The following ALPK1 variants were observed in gnomAD, a reference collection of about 807,000 sequenced individuals.
ALPK1 encodes alpha kinase 1.
Under a neutral mutation model 120.6 loss-of-function variants are expected in ALPK1, and 110 were observed. The observed-to-expected ratio is 0.91, with a 90% confidence interval of 0.78 to 1.07. The LOEUF is 1.07. Ranked by LOEUF, ALPK1 falls within the 50% of genes least tolerant of loss-of-function variation. The probability of loss-of-function intolerance (pLI) is 0.00; values close to 1 mark genes in which losing one functional copy is unlikely to be tolerated. For missense variants in ALPK1, 1,498 were observed against 1,483.9 expected (o/e 1.01, Z -0.16); for synonymous variants, 582 against 560.3 (o/e 1.04, Z -0.55).
At chr4:112,299,049 A>G (rs1175469710) in intron 1 of ALPK1, among the ~76,000 whole-genome samples, 2 of 152,130 alleles carry the variant, frequency 1.3e-5, no homozygotes, top group East Asian at 3.8e-4. Context: ...TGAGCATTTA[A>G]ACTTTTGGTG....
In ALPK1 at chr4:112,438,484, G is replaced by A. The variant is rs1476911088; in HGVS notation, c.3189G>A (p.Arg1063=). 23 of 1,612,712 alleles carry A rather than the reference G, an allele frequency of 1.4e-5. No homozygotes were observed. The highest frequency in any genetic ancestry group is 1.9e-5 in the Non-Finnish European group (22 of 1,179,286). The change falls in exon 13 of 16, where the codon AGG becomes AGA. Residue 1063 remains arginine, a splice_region_variant and synonymous_variant. Transcript: ENST00000650871. Reference sequence around the variant, plus strand: ...TTGTGTGGATTTTCTTTGTTCATAGGTATGTTGGGAAAGACTATAAGGAGC... The same window carrying A: ...TTGTGTGGATTTTCTTTGTTCATAGATATGTTGGGAAAGACTATAAGGAGC... ...HHLHQEEILG[R]YVGKDYKEQK...
At chr4:112,432,673 T>C in intron 11 of ALPK1, 92 bp downstream of exon 11, 1 of 1,256,548 alleles carries the variant, frequency 8.0e-7, no homozygotes, top group Non-Finnish European at 1.1e-6. Flanking sequence ...TTAAAGCTCA[T>C]GAAAGGTATA....
At chr4:112,394,857 T>C (rs1299201014) in intron 4 of ALPK1, among the ~76,000 whole-genome samples, 1 of 152,122 alleles carries the variant, frequency 6.6e-6, no homozygotes. Flanking sequence ...TAGCAGAAAA[T>C]GAACAGGTTC....
chr4:112,416,081 G>A (rs1336410648), intron 5 of ALPK1, among the ~76,000 whole-genome samples: 1 of 152,090 alleles, frequency 6.6e-6, no homozygotes, highest in Non-Finnish European at 1.5e-5. Flanking sequence ...ACAAATAGTA[G>A]TGCTCCCCAA....
At chr4:112,301,701 A>G (rs1477096625) in intron 1 of ALPK1, among the ~76,000 whole-genome samples, 2 of 152,228 alleles carry the variant, frequency 1.3e-5, no homozygotes, top group African/African-American at 4.8e-5. Flanking sequence ...TACATGGGAT[A>G]CAGAAGATAC....
At chr4:112,370,940 A>G (rs1731379224) in intron 2 of ALPK1, among the ~76,000 whole-genome samples, 1 of 152,210 alleles carries the variant, frequency 6.6e-6, no homozygotes, top group East Asian at 1.9e-4. Flanking sequence ...ATATGTAGAA[A>G]TACAGAATAG....
intron 4 of ALPK1, among the ~76,000 whole-genome samples, chr4:112,390,294 AATTTCTGTGT>A (rs1157495402): frequency 6.6e-6 from 1 of 151,954 alleles, no homozygotes; most frequent in African/African-American, 2.4e-5. Context: ...TTGCCTGATT[AATTTCTGTGT>A]ATCTTTCCCT....
At chr4:112,300,219 A>G (rs1197665197) in intron 1 of ALPK1, among the ~76,000 whole-genome samples, 1 of 152,238 alleles carries the variant, frequency 6.6e-6, no homozygotes, top group Non-Finnish European at 1.5e-5. Context: ...TCAGGATTGA[A>G]TAACTTGTAT....
chr4:112,305,887 G>C (rs920962178), intron 1 of ALPK1, among the ~76,000 whole-genome samples: 2 of 151,988 alleles, frequency 1.3e-5, no homozygotes, highest in Non-Finnish European at 2.9e-5. Context: ...CTGTGGGTTT[G>C]TCATAGATAG....
rs772239630 is a variant in ALPK1, at chr4:112,411,855, G to C, written c.305G>C (p.Arg102Pro). Residue 102 changes from arginine to proline, a missense_variant, in exon 5 of 16, where the codon CGG becomes CCG. By Grantham distance (103) the Arg-to-Pro change is moderately radical. Coordinates refer to ENST00000650871, the MANE Select transcript of ALPK1 (RefSeq NM_025144.4). Reference sequence around the variant, plus strand: ...TCCCTGAGGGCCTCCATCCTCGCTCGGGACTGTGCGGCTGCGGCGGCTATT... The same window carrying C: ...TCCCTGAGGGCCTCCATCCTCGCTCCGGACTGTGCGGCTGCGGCGGCTATT... Reference protein sequence around the residue: ...LASLRASILARDCAAAAAIVF... With the variant: ...LASLRASILAPDCAAAAAIVF... The C allele has an allele frequency of 6.2e-6, 10 of 1,613,420 alleles. No individual in the cohort carries two copies. The highest frequency in any genetic ancestry group is 1.3e-5 in the African/African-American group (1 of 74,948).
At chr4:112,405,612 G>A (rs1000195591) in intron 4 of ALPK1, among the ~76,000 whole-genome samples, 1 of 152,170 alleles carries the variant, frequency 6.6e-6, no homozygotes, top group African/African-American at 2.4e-5. Context: ...GTCTTGCTGT[G>A]TCACCCAAGC....
chr4:112,367,864 T>G (rs1731226612), intron 2 of ALPK1, among the ~76,000 whole-genome samples: 1 of 152,242 alleles, frequency 6.6e-6, no homozygotes, highest in Non-Finnish European at 1.5e-5. Flanking sequence ...TTCTGATTTA[T>G]TATCCAGTTC....
rs921766479 is a variant in ALPK1 at position 112,340,804 on chromosome 4, C to T, written c.-101+24952C>T. Among the ~76,000 whole-genome samples the T allele has an allele frequency of 7.2e-5, 11 of 152,250 alleles. No individual in the cohort carries two copies. In the East Asian group the frequency reaches 1.9e-3, roughly 27 times the overall value. On this transcript the variant is annotated intron_variant, in intron 2 of 15. Transcript: ENST00000650871. ...ATGAGATTTGATCAGTTTTTTAAAA[C>T]TGCACATGCACTTAGTTAAGATATC...
chr4:112,366,623 A>G (rs577601585), intron 2 of ALPK1, among the ~76,000 whole-genome samples: 2 of 152,340 alleles, frequency 1.3e-5, no homozygotes, highest in African/African-American at 4.8e-5. Context: ...TAGTACAACT[A>G]TGGAAAATTG....
chr4:112,440,010 T>A, intron 14 of ALPK1, 138 bp downstream of exon 14: 1 of 769,892 alleles, frequency 1.3e-6, no homozygotes, highest in Non-Finnish European at 1.9e-6. Flanking sequence ...TTGATCTTAC[T>A]ATATATAGCA....
intron 4 of ALPK1, chr4:112,383,477 A>G (rs1298817661): frequency 6.6e-6 from 1 of 152,150 alleles, no homozygotes; most frequent in African/African-American, 2.4e-5. Flanking sequence ...CTATAGACAC[A>G]CAAGAGCATC....
At chr4:112,377,570 G>A (rs1560660646) in intron 2 of ALPK1, 108 bp from the exon 3 acceptor site, 1 of 407,516 alleles carries the variant, frequency 2.5e-6, no homozygotes, top group Admixed American at 3.5e-5. Context: ...GTCCTCGGGG[G>A]CTGTCATGTA....
chr4:112,428,912 G>A (rs545853932), intron 9 of ALPK1, among the ~76,000 whole-genome samples: 3 of 152,324 alleles, frequency 2.0e-5, no homozygotes, highest in African/African-American at 4.8e-5. Flanking sequence ...AACTGCCACC[G>A]TCCTCCAAAG....
At chr4:112,392,992 C>T (rs1413135323) in intron 4 of ALPK1, among the ~76,000 whole-genome samples, 1 of 152,212 alleles carries the variant, frequency 6.6e-6, no homozygotes, top group Admixed American at 6.5e-5. Flanking sequence ...TCTACATGTC[C>T]ATCTGAGGTC....
Sources: gnomAD v4.1 joint callset for allele counts (sites outside exome capture counted in the v4.1 genomes callset) on GRCh38, gnomAD v4.1.1 for gene constraint, MANE v1.5 for transcripts, NCBI Gene and HGNC (gene_info 2026-07-23, HGNC 2026-07-21) for gene names.